Variants in IP6K1 observed in about 807,000 individuals in gnomAD.
IP6K1 encodes ATP:1D-myo-inositol-hexakisphosphate phosphotransferase.
Under a neutral mutation model 38.3 loss-of-function variants are expected in IP6K1, and 13 were observed. The ratio of observed to expected loss-of-function variants is 0.34; its 90% confidence interval spans 0.22 to 0.54. The LOEUF is 0.54. Among genes scored for constraint, IP6K1 ranks in the 20% least tolerant of loss-of-function variants. IP6K1 has a pLI of 0.92. For missense variants in IP6K1, 397 were observed against 599.8 expected, an observed-to-expected ratio of 0.66 and a Z score of 3.53; for synonymous variants, 212 against 229.9, an observed-to-expected ratio of 0.92 and a Z score of 0.70.
intron 1 of IP6K1, among the ~76,000 whole-genome samples, chr3:49,774,018 C>CACACACA (rs1491447235): frequency 2.8e-4 from 29 of 103,122 alleles, no homozygotes; most frequent in African/African-American, 9.4e-4. Flanking sequence ...CACACACACA[C>CACACACA]AACACACACA....
At chr3:49,745,646 G>T (rs1021367485) in intron 2 of IP6K1, among the ~76,000 whole-genome samples, 1 of 152,164 alleles carries the variant, frequency 6.6e-6, no homozygotes, top group Admixed American at 6.5e-5. Context: ...CCTAAAGTCA[G>T]GAGTTCGAAA....
intron 3 of IP6K1, 151 bp downstream of exon 3, chr3:49,738,061 C>T: frequency 1.5e-6 from 1 of 651,630 alleles, no homozygotes; most frequent in South Asian, 1.8e-5. Context: ...GGTGATGTGA[C>T]ACAGAGAAGA....
chr3:49,751,219 G>A (rs779618512), intron 1 of IP6K1, among the ~76,000 whole-genome samples: 13 of 151,872 alleles, frequency 8.6e-5, no homozygotes, highest in East Asian at 1.9e-4. Flanking sequence ...GCAGTGGCGC[G>A]ATCTCGGCTC....
In IP6K1 at chr3:49,724,319, A is replaced by G. The variant is rs2080474841; in HGVS notation, c.*2803T>C. 1 of 152,384 alleles carries G rather than the reference A, an allele frequency of 6.6e-6. No homozygotes were observed. The highest frequency in any genetic ancestry group is 2.4e-5 in the African/African-American group (1 of 41,458). 9.4% of individuals were successfully genotyped at this position (152,384 alleles called of 1,614,324 possible). ...TCCGTTTCTAGCGGCTTTATTTTTG[A>G]CATACACGACCTCAGACACAAGCGG... is the stretch of plus-strand genomic sequence containing the variant. On this transcript the variant is annotated 3_prime_UTR_variant, in exon 6 of 6. Coordinates refer to ENST00000321599, the MANE Select transcript of IP6K1 (RefSeq NM_153273.4).
chr3:49,776,589 A>G (rs535936176), intron 1 of IP6K1, among the ~76,000 whole-genome samples: 1 of 152,114 alleles, frequency 6.6e-6, no homozygotes, highest in Non-Finnish European at 1.5e-5. Context: ...ACTTATTTAC[A>G]GTATGATAAT....
intron 1 of IP6K1, among the ~76,000 whole-genome samples, chr3:49,752,055 G>T (rs190374141): frequency 6.6e-6 from 1 of 152,236 alleles, no homozygotes; most frequent in East Asian, 1.9e-4. Context: ...GTCCAGGCTG[G>T]AGTACAATGA....
intron 1 of IP6K1, among the ~76,000 whole-genome samples, chr3:49,780,663 C>T (rs2081057720): frequency 6.6e-6 from 1 of 152,162 alleles, no homozygotes; most frequent in African/African-American, 2.4e-5. Context: ...GCATCCAGTG[C>T]CATGCTCACA....
At chr3:49,751,958 G>A (rs1408333534) in intron 1 of IP6K1, among the ~76,000 whole-genome samples, 1 of 152,142 alleles carries the variant, frequency 6.6e-6, no homozygotes, top group Non-Finnish European at 1.5e-5. Flanking sequence ...AAGGAATTAT[G>A]TCTCCATTCA....
chr3:49,766,504 A>G (rs751617547), intron 1 of IP6K1, among the ~76,000 whole-genome samples: 2 of 151,552 alleles, frequency 1.3e-5, no homozygotes, highest in Non-Finnish European at 2.9e-5. Flanking sequence ...TCTCTACTAA[A>G]AATTAAAACA....
At chr3:49,784,658 A>AAC in intron 1 of IP6K1, among the ~76,000 whole-genome samples, 1 of 151,380 alleles carries the variant, frequency 6.6e-6, no homozygotes, top group East Asian at 2.0e-4. Context: ...AAAAAAAAAA[A>AAC]AAAGTAGGCT....
In IP6K1 at chr3:49,765,903, G is replaced by A. The variant is rs550658718; in HGVS notation, c.-128-17735C>T. On this transcript the variant is annotated intron_variant, in intron 1 of 5. Coordinates refer to ENST00000321599, the MANE Select transcript of IP6K1 (RefSeq NM_153273.4). ...AAAAAAAAAACACACAAAGCCAGGCGCGGTGGCTCACGCCTGTAATCCCAA... is the reference window on the plus strand; with the variant it reads ...AAAAAAAAAACACACAAAGCCAGGCACGGTGGCTCACGCCTGTAATCCCAA... Among the ~76,000 whole-genome samples the A allele has an allele frequency of 1.7e-3, 258 of 151,816 alleles. 1 individual carries two copies. Among genetic ancestry groups the A allele is most frequent in the Non-Finnish European group, 2.5e-4 (17 of 67,956 alleles).
At chr3:49,733,057 A>C in intron 3 of IP6K1, 85 bp from the exon 4 acceptor site, 1 of 988,596 alleles carries the variant, frequency 1.0e-6, no homozygotes, top group Non-Finnish European at 1.5e-6. Context: ...AGATCTGTCC[A>C]CAATGACAGA....
intron 1 of IP6K1, among the ~76,000 whole-genome samples, chr3:49,755,536 T>C (rs2080814322): frequency 6.6e-6 from 1 of 152,184 alleles, no homozygotes; most frequent in Non-Finnish European, 1.5e-5. Context: ...CTTTAATTTG[T>C]TTTTTACTGT....
chr3:49,756,459 T>G (rs552456351), intron 1 of IP6K1, among the ~76,000 whole-genome samples: 1 of 152,166 alleles, frequency 6.6e-6, no homozygotes, highest in Non-Finnish European at 1.5e-5. Flanking sequence ...AAAGGAGATA[T>G]GTGAAGAATT....
At chr3:49,772,270 G>C (rs2080966869) in intron 1 of IP6K1, among the ~76,000 whole-genome samples, 2 of 145,070 alleles carry the variant, frequency 1.4e-5, no homozygotes, top group Admixed American at 1.4e-4. Context: ...ACATATATAT[G>C]TAATATATAT....
chr3:49,730,775 G>A (rs528222620), intron 4 of IP6K1, among the ~76,000 whole-genome samples: 1 of 151,960 alleles, frequency 6.6e-6, no homozygotes, highest in African/African-American at 2.4e-5. Flanking sequence ...GGAGTGCAAT[G>A]GCGCAATCTT....
At chr3:49,732,528 C>G (rs534425297) in intron 4 of IP6K1, among the ~76,000 whole-genome samples, 1 of 152,322 alleles carries the variant, frequency 6.6e-6, no homozygotes, top group Non-Finnish European at 1.5e-5. Flanking sequence ...GGCTACCATA[C>G]TGAAAAGCAC....
At chr3:49,756,380 T>C (rs1439736747) in intron 1 of IP6K1, among the ~76,000 whole-genome samples, 1 of 152,332 alleles carries the variant, frequency 6.6e-6, no homozygotes, top group Non-Finnish European at 1.5e-5. Context: ...AATATGTGCT[T>C]CCCTAAATAC....
chr3:49,752,063 T>C (rs1387788023), intron 1 of IP6K1, among the ~76,000 whole-genome samples: 1 of 152,150 alleles, frequency 6.6e-6, no homozygotes, highest in Non-Finnish European at 1.5e-5. Flanking sequence ...TGGAGTACAA[T>C]GATATGGTCA....
Sources: gnomAD v4.1 joint callset for allele counts (sites outside exome capture counted in the v4.1 genomes callset) on GRCh38, gnomAD v4.1.1 for gene constraint, MANE v1.5 for transcripts, NCBI Gene and HGNC (gene_info 2026-07-23, HGNC 2026-07-21) for gene names.